The following PDE4B variants were observed in gnomAD, a reference collection of about 807,000 sequenced individuals.
The protein encoded by PDE4B is 3',5'-cyclic-AMP phosphodiesterase 4B.
PDE4B carries 20 observed loss-of-function variants against 82.2 expected under a neutral mutation model. That is an observed-to-expected ratio of 0.24 (90% CI 0.17 to 0.35). The LOEUF is 0.35. Among genes scored for constraint, PDE4B ranks in the 10% least tolerant of loss-of-function variants. The pLI, the probability that PDE4B is intolerant of heterozygous loss-of-function variation, is 1.00. For missense variants in PDE4B, 655 were observed against 907.2 expected (o/e 0.72, Z 3.57); for synonymous variants, 320 against 318.9 (o/e 1.00, Z -0.04).
intron 3 of PDE4B, among the ~76,000 whole-genome samples, chr1:66,108,722 T>C (rs1570256663): frequency 6.6e-6 from 1 of 152,064 alleles, no homozygotes; most frequent in East Asian, 1.9e-4. Context: ...TTCATTTCAG[T>C]ATCTTTTATT....
intron 3 of PDE4B, among the ~76,000 whole-genome samples, chr1:66,241,278 T>G (rs1389318958): frequency 1.1e-4 from 16 of 152,222 alleles, no homozygotes; most frequent in Non-Finnish European, 1.5e-5. Flanking sequence ...CACAGCTTAG[T>G]CCTTCATTAG....
At chr1:66,028,927 T>G (rs1168389291) in intron 3 of PDE4B, among the ~76,000 whole-genome samples, 2 of 152,196 alleles carry the variant, frequency 1.3e-5, no homozygotes, top group Non-Finnish European at 2.9e-5. Context: ...TCCTGTCTTC[T>G]TCTGAGCCTT....
chr1:66,219,953 T>C (rs1009240948), intron 3 of PDE4B, among the ~76,000 whole-genome samples: 1 of 152,198 alleles, frequency 6.6e-6, no homozygotes, highest in Non-Finnish European at 1.5e-5. Context: ...TTATTATTTT[T>C]ATGATTTCTT....
intron 3 of PDE4B, among the ~76,000 whole-genome samples, chr1:66,200,663 A>T (rs1402263755): frequency 6.6e-6 from 1 of 152,252 alleles, no homozygotes; most frequent in African/African-American, 2.4e-5. Flanking sequence ...TTATTGGTGT[A>T]TAAGAATGCT....
intron 7 of PDE4B, among the ~76,000 whole-genome samples, chr1:66,313,681 TG>T (rs1658826501): frequency 6.6e-6 from 1 of 152,318 alleles, no homozygotes; most frequent in Non-Finnish European, 1.5e-5. Context: ...TTGCTTTGAC[TG>T]TGTGGCAACT....
At chr1:66,342,986 A>G (rs1368207560) in intron 8 of PDE4B, among the ~76,000 whole-genome samples, 1 of 152,152 alleles carries the variant, frequency 6.6e-6, no homozygotes, top group Non-Finnish European at 1.5e-5. Context: ...CAGAGGTTGT[A>G]GTGCACCAAG....
intron 3 of PDE4B, among the ~76,000 whole-genome samples, chr1:66,114,850 G>A (rs987651079): frequency 8.6e-5 from 13 of 151,882 alleles, no homozygotes; most frequent in African/African-American, 1.5e-4. Context: ...TGGCCAGGCC[G>A]GTCTCGAACT....
chr1:65,874,136 C>A (rs1386305435), intron 1 of PDE4B, among the ~76,000 whole-genome samples: 7 of 151,756 alleles, frequency 4.6e-5, no homozygotes, highest in Non-Finnish European at 8.8e-5. Flanking sequence ...CCTTCACATC[C>A]CTTGTAAGTT....
chr1:66,097,036 G>T (rs1645132674), intron 3 of PDE4B, among the ~76,000 whole-genome samples: 1 of 151,844 alleles, frequency 6.6e-6, no homozygotes, highest in Admixed American at 6.6e-5. Context: ...TCCAGTTTTT[G>T]ATTCTTAATG....
At chr1:66,275,380 G>A (rs1286150356) in intron 7 of PDE4B, among the ~76,000 whole-genome samples, 5 of 152,122 alleles carry the variant, frequency 3.3e-5, no homozygotes, top group Non-Finnish European at 7.4e-5. Flanking sequence ...TTGCAGAGAG[G>A]ACAAAACCCA....
At chr1:65,870,680 G>T (rs1469727682) in intron 1 of PDE4B, among the ~76,000 whole-genome samples, 1 of 151,870 alleles carries the variant, frequency 6.6e-6, no homozygotes, top group African/African-American at 2.4e-5. Context: ...TGAGAAGAGG[G>T]TTACAACCTT....
chr1:66,282,167 T>A (rs1350179169), intron 7 of PDE4B, among the ~76,000 whole-genome samples: 1 of 152,152 alleles, frequency 6.6e-6, no homozygotes, highest in Non-Finnish European at 1.5e-5. Context: ...TTTAATCTGT[T>A]TTTTTTTCCT....
chr1:65,856,381 G>A (rs1296308958), intron 1 of PDE4B, among the ~76,000 whole-genome samples: 1 of 151,958 alleles, frequency 6.6e-6, no homozygotes, highest in East Asian at 1.9e-4. Flanking sequence ...CCCTCCCTAT[G>A]TCCATGTGTT....
chr1:66,301,130 G>A (rs1006927661), intron 7 of PDE4B, among the ~76,000 whole-genome samples: 1 of 152,104 alleles, frequency 6.6e-6, no homozygotes, highest in African/African-American at 2.4e-5. Context: ...ACAGCTATGA[G>A]TATATTCCAG....
intron 7 of PDE4B, among the ~76,000 whole-genome samples, chr1:66,283,974 C>A (rs1256008732): frequency 6.6e-6 from 1 of 152,194 alleles, no homozygotes; most frequent in Non-Finnish European, 1.5e-5. Flanking sequence ...CTCACCACAA[C>A]ATGAATCAGG....
rs144870242 is a variant in PDE4B at position 66,004,792 on chromosome 1, A to G, written c.281+85957A>G. ...CTAGGGATCTAGATTGACAGAATCT[A>G]GACATGTTTCCTGGCACCACCACTT... On this transcript the variant is annotated intron_variant, in intron 3 of 16. Transcript: ENST00000341517. Among the ~76,000 whole-genome samples the G allele has an allele frequency of 1.5e-3, 226 of 152,206 alleles. 2 individuals are homozygous for G. Among genetic ancestry groups the G allele is most frequent in the Middle Eastern group, 0.014 (4 of 294 alleles).
chr1:65,856,994 G>A (rs1354108938), intron 1 of PDE4B, among the ~76,000 whole-genome samples: 1 of 152,040 alleles, frequency 6.6e-6, no homozygotes, highest in Non-Finnish European at 1.5e-5. Context: ...GTCTTTGATG[G>A]TACAATTGAA....
intron 3 of PDE4B, among the ~76,000 whole-genome samples, chr1:66,187,173 G>A (rs953544519): frequency 2.0e-5 from 3 of 152,076 alleles, no homozygotes; most frequent in African/African-American, 7.2e-5. Flanking sequence ...TTGCATCCCA[G>A]GGATGAAGCC....
intron 1 of PDE4B, among the ~76,000 whole-genome samples, chr1:65,861,701 G>A (rs1388493305): frequency 6.6e-6 from 1 of 152,054 alleles, no homozygotes; most frequent in Non-Finnish European, 1.5e-5. Flanking sequence ...TTTTCCATTT[G>A]TTTGTGTCCT....
Sources: allele counts gnomAD v4.1 joint callset (sites outside exome capture counted in the v4.1 genomes callset), GRCh38; gene constraint gnomAD v4.1.1; transcripts MANE v1.5; gene names NCBI Gene and HGNC (gene_info 2026-07-23, HGNC 2026-07-21).